NXPH2: variants seen among roughly 807,000 people sequenced by gnomAD.
The protein encoded by NXPH2 is neurexophilin-2.
A neutral mutation model predicts 19.8 loss-of-function variants in NXPH2; 5 were observed. That is an observed-to-expected ratio of 0.25 (90% confidence interval 0.13 to 0.53). NXPH2 has a LOEUF of 0.53. Ranked by LOEUF, NXPH2 falls within the 20% of genes least tolerant of loss-of-function variation. NXPH2 has a pLI of 0.96. For missense variants in NXPH2, 289 were observed against 322.8 expected, an observed-to-expected ratio of 0.90 and a Z score of 0.80; for synonymous variants, 154 against 127.4, an observed-to-expected ratio of 1.21 and a Z score of -1.41.
chr2:138,779,796 A>T (rs1682322500), intron 1 of NXPH2, among the ~76,000 whole-genome samples: 1 of 152,170 alleles, frequency 6.6e-6, no homozygotes, highest in African/African-American at 2.4e-5. Context: ...CACGTGAAAA[A>T]TAAACACCAC....
At chr2:138,682,721 T>G (rs1254760999) in intron 1 of NXPH2, among the ~76,000 whole-genome samples, 1 of 152,184 alleles carries the variant, frequency 6.6e-6, no homozygotes, top group Non-Finnish European at 1.5e-5. Flanking sequence ...GACAGAAATC[T>G]TAGCAGTAAG....
intron 1 of NXPH2, among the ~76,000 whole-genome samples, chr2:138,696,407 C>A (rs745736888): frequency 6.6e-6 from 1 of 152,074 alleles, no homozygotes; most frequent in African/African-American, 2.4e-5. Flanking sequence ...TGAAGACATA[C>A]CACTCCATGT....
At chr2:138,684,850 C>G (rs953926129) in intron 1 of NXPH2, among the ~76,000 whole-genome samples, 1 of 152,188 alleles carries the variant, frequency 6.6e-6, no homozygotes, top group Non-Finnish European at 1.5e-5. Flanking sequence ...TTCTCTGTCC[C>G]TATCAGTCCA....
chr2:138,776,677 T>C (rs1414176861), intron 1 of NXPH2, among the ~76,000 whole-genome samples: 2 of 151,026 alleles, frequency 1.3e-5, no homozygotes. Flanking sequence ...CATCCGGCAC[T>C]GGAAAATACT....
rs1222699331 is a variant in NXPH2 at position 138,780,167 on chromosome 2, ACGGCGCGCGGGC to A, written c.51+12_51+23del. The A allele has an allele frequency of 6.8e-7, 1 of 1,475,600 alleles. No homozygotes were observed. The highest frequency in any genetic ancestry group is 8.9e-7 in the Non-Finnish European group (1 of 1,121,498). The allele number at this position is 1,475,600 out of a possible 1,614,324, so 91.4% of individuals were successfully genotyped here. On this transcript the variant is annotated intron_variant, in intron 1 of 1. Coordinates refer to ENST00000272641, the MANE Select transcript of NXPH2 (RefSeq NM_007226.3). ...CCGAAACGCGTCCCCGGCGTGTGGG[ACGGCGCGCGGGC>A]CGGGCACTCACCAGCTGCAGCAAGC...
chr2:138,688,038 A>G (rs534562273), intron 1 of NXPH2, among the ~76,000 whole-genome samples: 1 of 152,130 alleles, frequency 6.6e-6, no homozygotes, highest in African/African-American at 2.4e-5. Flanking sequence ...TTTTGGTTCC[A>G]TGTGAACTTT....
chr2:138,670,801 T>G lies in NXPH2; in HGVS notation c.*121A>C. On this transcript the variant is annotated 3_prime_UTR_variant, in exon 2 of 2. Transcript: ENST00000272641. ...TCTTTTTTTAAATTTGAAAACCTGA[T>G]AGGGAACTATTGTTCACTGCCAGAA... The G allele has an allele frequency of 9.6e-7, 1 of 1,037,410 alleles. No homozygotes were observed. The highest frequency in any genetic ancestry group is 1.4e-6 in the Non-Finnish European group (1 of 740,638). 64.3% of individuals were successfully genotyped at this position (1,037,410 alleles called of 1,614,324 possible). A position where few individuals can be genotyped will look rare whatever the true frequency, so the allele number is the denominator to read the frequency against.
intron 1 of NXPH2, among the ~76,000 whole-genome samples, chr2:138,763,371 T>C (rs1682047188): frequency 6.6e-6 from 1 of 152,188 alleles, no homozygotes; most frequent in Non-Finnish European, 1.5e-5. Flanking sequence ...ATATTTTTCC[T>C]ATATTAATTA....
At chr2:138,749,357 G>A (rs146782265) in intron 1 of NXPH2, among the ~76,000 whole-genome samples, 1,615 of 152,138 alleles carry the variant, frequency 0.011, 18 homozygotes, top group South Asian at 0.053. Context: ...TTATGGCAGT[G>A]TGAGAATGGA....
intron 1 of NXPH2, among the ~76,000 whole-genome samples, chr2:138,750,687 A>C (rs1484667778): frequency 6.6e-6 from 1 of 152,192 alleles, no homozygotes; most frequent in East Asian, 1.9e-4. Context: ...ATGATGGCAA[A>C]TCTGCTGGAC....
chr2:138,691,412 G>A (rs1406748297), intron 1 of NXPH2, among the ~76,000 whole-genome samples: 1 of 152,162 alleles, frequency 6.6e-6, no homozygotes, highest in African/African-American at 2.4e-5. Flanking sequence ...ATCATGCACA[G>A]ATTGAATGTG....
At chr2:138,688,576 C>G (rs776559416) in intron 1 of NXPH2, among the ~76,000 whole-genome samples, 1 of 152,136 alleles carries the variant, frequency 6.6e-6, no homozygotes, top group Non-Finnish European at 1.5e-5. Flanking sequence ...CTAAAGTACA[C>G]TTTTGTAGAA....
At chr2:138,683,567 A>C (rs1299184921) in intron 1 of NXPH2, among the ~76,000 whole-genome samples, 1 of 152,180 alleles carries the variant, frequency 6.6e-6, no homozygotes, top group Non-Finnish European at 1.5e-5. Context: ...TATCAAATCC[A>C]TTTAATATTT....
chr2:138,678,457 A>G (rs1040261345), intron 1 of NXPH2, among the ~76,000 whole-genome samples: 22 of 149,112 alleles, frequency 1.5e-4, no homozygotes, highest in African/African-American at 4.2e-4. Context: ...AGTTGAAATT[A>G]CCTTTAATTC....
At chr2:138,768,109 T>A (rs1181365223) in intron 1 of NXPH2, among the ~76,000 whole-genome samples, 4 of 152,230 alleles carry the variant, frequency 2.6e-5, no homozygotes, top group Non-Finnish European at 5.9e-5. Flanking sequence ...GGATACAATA[T>A]CTTTTTGACT....
At chr2:138,763,116 G>A (rs1385568405) in intron 1 of NXPH2, among the ~76,000 whole-genome samples, 2 of 152,162 alleles carry the variant, frequency 1.3e-5, no homozygotes, top group Non-Finnish European at 2.9e-5. Flanking sequence ...GGAAAAGACA[G>A]TAAGATAGTA....
At chr2:138,757,549 C>T (rs905813988) in intron 1 of NXPH2, among the ~76,000 whole-genome samples, 7 of 152,166 alleles carry the variant, frequency 4.6e-5, no homozygotes, top group African/African-American at 1.4e-4. Flanking sequence ...GTGGCATTCC[C>T]GTTTATGCTT....
chr2:138,779,613 A>T (rs1021812595), intron 1 of NXPH2, among the ~76,000 whole-genome samples: 3 of 152,054 alleles, frequency 2.0e-5, no homozygotes, highest in African/African-American at 7.2e-5. Flanking sequence ...AGAAAGCCCC[A>T]TCCCAGTCCC....
At chr2:138,684,497 A>T (rs1680620193) in intron 1 of NXPH2, among the ~76,000 whole-genome samples, 1 of 152,190 alleles carries the variant, frequency 6.6e-6, no homozygotes, top group African/African-American at 2.4e-5. Context: ...AATATAAATG[A>T]TCCATATTTT....
Sources: gnomAD v4.1 joint callset for allele counts (sites outside exome capture counted in the v4.1 genomes callset) on GRCh38, gnomAD v4.1.1 for gene constraint, MANE v1.5 for transcripts, NCBI Gene and HGNC (gene_info 2026-07-23, HGNC 2026-07-21) for gene names.